Variants in MARCHF1 observed in about 807,000 individuals in gnomAD.
MARCHF1 encodes the protein membrane associated ring-CH-type finger 1, also known as E3 ubiquitin-protein ligase MARCHF1.
A neutral mutation model predicts 54.2 loss-of-function variants in MARCHF1; 40 were observed. The ratio of observed to expected loss-of-function variants is 0.74; its 90% confidence interval spans 0.57 to 0.96. MARCHF1 has a LOEUF of 0.96. MARCHF1 is among the 40% of genes least tolerant of loss of function. The pLI is 0.00. For synonymous variants in MARCHF1, 236 were observed against 236.3 expected (o/e 1.00, Z 0.01); for missense variants, 586 against 656.5 (o/e 0.89, Z 1.17).
At chr4:164,108,278 T>C (rs1755752015) in intron 2 of MARCHF1, among the ~76,000 whole-genome samples, 1 of 152,144 alleles carries the variant, frequency 6.6e-6, no homozygotes, top group Non-Finnish European at 1.5e-5. Flanking sequence ...ATATACTAAG[T>C]AAGTTCCTGA....
chr4:163,708,712 A>G lies in MARCHF1; in HGVS notation c.112-7849T>C, dbSNP rs563752590. 2.6e-5 allele frequency among the ~76,000 whole-genome samples: 4 copies of G among 152,282 alleles called. No homozygotes were observed. In the South Asian group the frequency reaches 6.2e-4, roughly 24 times the overall value. ...TGCAGTAGTCTATGACTATATGAGCATGGAAAAAGTCATGGAAAGTTATGC... is the reference window on the plus strand; with the variant it reads ...TGCAGTAGTCTATGACTATATGAGCGTGGAAAAAGTCATGGAAAGTTATGC... On this transcript the variant is annotated intron_variant, in intron 4 of 9. Coordinates refer to ENST00000514618, the MANE Select transcript of MARCHF1 (RefSeq NM_001394959.1).
chr4:163,636,741 A>C (rs1357927428), intron 5 of MARCHF1, among the ~76,000 whole-genome samples: 1 of 152,102 alleles, frequency 6.6e-6, no homozygotes, highest in East Asian at 1.9e-4. Context: ...ATTGGAAAAA[A>C]CTACTTTAAA....
rs963669265 is a variant in MARCHF1, at chr4:164,142,440, G to C, written c.-322-30778C>G. On this transcript the variant is annotated intron_variant, in intron 1 of 9. Coordinates refer to ENST00000514618, the MANE Select transcript of MARCHF1 (RefSeq NM_001394959.1). ...TGTCCCTGTCTGACAGCTTTGAAGAGAGCAGTGGTTCTCCCAGCACGCAGC... is the reference window on the plus strand; with the variant it reads ...TGTCCCTGTCTGACAGCTTTGAAGACAGCAGTGGTTCTCCCAGCACGCAGC... Among the ~76,000 whole-genome samples, 106 of 152,296 alleles carry C rather than the reference G, an allele frequency of 7.0e-4. 2 individuals are homozygous for C. The highest frequency in any genetic ancestry group is 2.4e-3 in the Admixed American group (37 of 15,302).
At chr4:164,333,734 A>G (rs1402061875) in intron 1 of MARCHF1, among the ~76,000 whole-genome samples, 3 of 152,254 alleles carry the variant, frequency 2.0e-5, no homozygotes, top group African/African-American at 4.8e-5. Context: ...CTCACTTGAA[A>G]TCAAAAGCTA....
chr4:164,077,233 G>GC (rs765142578), intron 2 of MARCHF1, among the ~76,000 whole-genome samples: 4 of 152,002 alleles, frequency 2.6e-5, no homozygotes, highest in African/African-American at 7.2e-5. Context: ...CCACATATCT[G>GC]CAACTATCTG....
At chr4:164,298,095 T>G (rs1316018833) in intron 1 of MARCHF1, among the ~76,000 whole-genome samples, 1 of 152,122 alleles carries the variant, frequency 6.6e-6, no homozygotes, top group African/African-American at 2.4e-5. Context: ...AAATAGAGTT[T>G]TAAAAGACCC....
intron 4 of MARCHF1, among the ~76,000 whole-genome samples, chr4:163,756,008 T>G (rs1455239268): frequency 6.6e-6 from 1 of 152,228 alleles, no homozygotes; most frequent in East Asian, 1.9e-4. Flanking sequence ...TTCTATTATA[T>G]AATTTGACCT....
chr4:163,557,373 T>C (rs766127969), intron 8 of MARCHF1, among the ~76,000 whole-genome samples: 1 of 152,212 alleles, frequency 6.6e-6, no homozygotes, highest in Non-Finnish European at 1.5e-5. Flanking sequence ...TTTCCTCTAA[T>C]TAGACAGCAG....
At chr4:163,829,341 A>G (rs1175018191) in intron 4 of MARCHF1, among the ~76,000 whole-genome samples, 1 of 152,174 alleles carries the variant, frequency 6.6e-6, no homozygotes, top group African/African-American at 2.4e-5. Context: ...AGAGACACAG[A>G]AAGACTAGAG....
chr4:163,571,014 C>T (rs1424751398), intron 8 of MARCHF1, among the ~76,000 whole-genome samples: 1 of 152,070 alleles, frequency 6.6e-6, no homozygotes, highest in Non-Finnish European at 1.5e-5. Context: ...TTTCCTCATC[C>T]AATTTGGACA....
intron 3 of MARCHF1, among the ~76,000 whole-genome samples, chr4:163,932,319 T>G (rs541021538): frequency 6.6e-6 from 1 of 152,240 alleles, no homozygotes; most frequent in South Asian, 2.1e-4. Flanking sequence ...AATATTTCAC[T>G]ATAGCATGCT....
intron 2 of MARCHF1, among the ~76,000 whole-genome samples, chr4:163,993,742 T>C (rs1310715666): frequency 1.3e-5 from 2 of 152,170 alleles, no homozygotes; most frequent in South Asian, 4.1e-4. Flanking sequence ...TTTGCTCCTT[T>C]CTAATTTGTT....
intron 9 of MARCHF1, 97 bp downstream of exon 9, chr4:163,545,499 A>T: frequency 8.6e-7 from 1 of 1,157,296 alleles, no homozygotes; most frequent in South Asian, 1.5e-5. Flanking sequence ...AGTGTATCAT[A>T]CATGATGAAG....
At chr4:164,043,500 G>C (rs2111025064) in intron 2 of MARCHF1, among the ~76,000 whole-genome samples, 1 of 152,254 alleles carries the variant, frequency 6.6e-6, no homozygotes, top group African/African-American at 2.4e-5. Flanking sequence ...GAACAGAGCA[G>C]CTGGACCCTC....
At chr4:163,942,992 T>G (rs777529680) in intron 3 of MARCHF1, among the ~76,000 whole-genome samples, 16 of 152,176 alleles carry the variant, frequency 1.1e-4, no homozygotes, top group Non-Finnish European at 2.2e-4. Context: ...GCCGCATGTA[T>G]GTCTTCTTTT....
chr4:164,323,970 A>G (rs1735209016), intron 1 of MARCHF1, among the ~76,000 whole-genome samples: 1 of 151,910 alleles, frequency 6.6e-6, no homozygotes, highest in African/African-American at 2.4e-5. Context: ...AAAATTCTTC[A>G]GTTGATTTTA....
intron 8 of MARCHF1, 82 bp downstream of exon 8, chr4:163,585,667 G>A (rs1579086266): frequency 1.2e-5 from 14 of 1,135,618 alleles, no homozygotes; most frequent in Admixed American, 2.5e-5. Context: ...TAGGAGAATC[G>A]TATTGGCAAA....
At chr4:163,609,995 A>C (rs1432246055) in intron 7 of MARCHF1, among the ~76,000 whole-genome samples, 2 of 152,040 alleles carry the variant, frequency 1.3e-5, no homozygotes, top group Non-Finnish European at 2.9e-5. Flanking sequence ...AGTTCATGTA[A>C]AATTCATAAA....
chr4:163,934,126 T>C (rs4691940), intron 3 of MARCHF1, among the ~76,000 whole-genome samples: 101,053 of 152,034 alleles, frequency 0.66, 33,776 homozygotes, highest in East Asian at 0.87. Context: ...GGGTGTACAG[T>C]TTGTCTAGTA....
Sources: allele counts gnomAD v4.1 joint callset (sites outside exome capture counted in the v4.1 genomes callset), GRCh38; gene constraint gnomAD v4.1.1; transcripts MANE v1.5; gene names NCBI Gene and HGNC (gene_info 2026-07-23, HGNC 2026-07-21).